The following GTF3C2 variants were observed in gnomAD, a reference collection of about 807,000 sequenced individuals.
GTF3C2 encodes general transcription factor IIIC subunit 2, also known as general transcription factor 3C polypeptide 2.
GTF3C2 carries 17 observed loss-of-function variants against 117.4 expected under a neutral mutation model. That is an observed-to-expected ratio of 0.14 (90% CI 0.10 to 0.22). GTF3C2 has a LOEUF of 0.22. Ranked by LOEUF, GTF3C2 falls within the 10% of genes least tolerant of loss-of-function variation. The pLI, the probability that GTF3C2 is intolerant of heterozygous loss-of-function variation, is 1.00. For synonymous variants in GTF3C2, 437 were observed against 427.0 expected, an observed-to-expected ratio of 1.02 and a Z score of -0.29; for missense variants, 888 against 1,143.6, an observed-to-expected ratio of 0.78 and a Z score of 3.22.
chr2:27,351,558 C>G (rs943875840), intron 1 of GTF3C2, among the ~76,000 whole-genome samples: 1 of 152,174 alleles, frequency 6.6e-6, no homozygotes, highest in East Asian at 1.9e-4. Context: ...ATAGGAGAGC[C>G]GCTTCTCTAG....
At chr2:27,350,450 G>A (rs1012472590) in intron 1 of GTF3C2, 2 of 984,996 alleles carry the variant, frequency 2.0e-6, no homozygotes, top group African/African-American at 3.5e-5. Context: ...ACAGTTGGTA[G>A]GAACAAGTGC....
chr2:27,334,233 G>C lies in GTF3C2; in HGVS notation c.1577-234C>G, dbSNP rs1033076802. Among the ~76,000 whole-genome samples the C allele has an allele frequency of 4.0e-5, 6 of 151,704 alleles. No homozygotes were observed. In the South Asian group the frequency reaches 1.2e-3, roughly 32 times the overall value. On this transcript the variant is annotated intron_variant, in intron 10 of 18. Coordinates refer to ENST00000264720, the Ensembl canonical transcript of GTF3C2. ...TTTTTTCCTTTAGACCTCCTCTGTG[G>C]ACACAGGCCTTCTCTTAAATCAGCA...
chr2:27,333,897 G>A, intron 11 of GTF3C2, 77 bp downstream of exon 11: 1 of 1,452,278 alleles, frequency 6.9e-7, no homozygotes, highest in Non-Finnish European at 9.7e-7. Context: ...GAAGTATAAG[G>A]AGACTCACTG....
intron 1 of GTF3C2, among the ~76,000 whole-genome samples, chr2:27,349,543 T>G (rs1430431615): frequency 6.6e-6 from 1 of 151,954 alleles, no homozygotes; most frequent in African/African-American, 2.4e-5. Flanking sequence ...TCAACTAAAA[T>G]GTACAGGGCA....
chr2:27,326,751 G>C, exon 19 of GTF3C2: 1 of 1,614,062 alleles, frequency 6.2e-7, no homozygotes, highest in South Asian at 1.1e-5. Flanking sequence ...TTGGAACATA[G>C]CATTGAAGTG....
chr2:27,345,237 T>C (rs1680876086), intron 1 of GTF3C2, among the ~76,000 whole-genome samples: 1 of 152,010 alleles, frequency 6.6e-6, no homozygotes, highest in African/African-American at 2.4e-5. Context: ...ACCACTGCAC[T>C]CCAGCCTGGG....
At chr2:27,344,146 T>A (rs1275539669) in intron 1 of GTF3C2, among the ~76,000 whole-genome samples, 2 of 151,662 alleles carry the variant, frequency 1.3e-5, no homozygotes, top group African/African-American at 4.9e-5. Context: ...TGCCTCAGCC[T>A]CCTGAGTAGC....
At chr2:27,327,975 T>C (rs1680145994) in intron 17 of GTF3C2, 62 bp downstream of exon 17, 3 of 1,419,418 alleles carry the variant, frequency 2.1e-6, no homozygotes, top group South Asian at 1.2e-5. Context: ...TTGCGTACTA[T>C]ACAAAGACTA....
chr2:27,334,144 G>A, intron 10 of GTF3C2, 145 bp from the exon 11 acceptor site: 1 of 686,314 alleles, frequency 1.5e-6, no homozygotes, highest in Non-Finnish European at 2.7e-6. Flanking sequence ...TCCTGCCTCA[G>A]CCTCCCAAAA....
At chr2:27,353,219 C>T (rs1463822653) in intron 1 of GTF3C2, among the ~76,000 whole-genome samples, 2 of 151,950 alleles carry the variant, frequency 1.3e-5, no homozygotes, top group Non-Finnish European at 2.9e-5. Flanking sequence ...ATGGTGAAAC[C>T]TCGTTTCTAC....
In GTF3C2 at chr2:27,333,586, C is replaced by A. The variant is rs150484118; in HGVS notation, c.1732+69G>T. 33 of 1,076,494 alleles carry A rather than the reference C, an allele frequency of 3.1e-5. No individual in the cohort carries two copies. The African/African-American group carries it at 4.8e-4, about 16-fold the overall frequency. The allele number at this position is 1,076,494 out of a possible 1,614,324, so 66.7% of individuals were successfully genotyped here. On this transcript the variant is annotated intron_variant, in intron 12 of 18. Transcript: ENST00000264720. ...CAGTATTGAACCACCAAAGAAAGAACCAAAAAACAAGCATATATAAAAAAT... is the reference window on the plus strand; with the variant it reads ...CAGTATTGAACCACCAAAGAAAGAAACAAAAAACAAGCATATATAAAAAAT...
chr2:27,351,343 G>T (rs1681130152), intron 1 of GTF3C2, among the ~76,000 whole-genome samples: 1 of 152,206 alleles, frequency 6.6e-6, no homozygotes, highest in Admixed American at 6.5e-5. Context: ...GAACCTGGAA[G>T]GTGGAGGCTG....
chr2:27,343,524 G>C (rs747794450), exon 2 of GTF3C2: 9 of 1,613,902 alleles, frequency 5.6e-6, no homozygotes, highest in South Asian at 4.4e-5. Context: ...GCCTCCCCCA[G>C]GGCAACATAG....
At chr2:27,346,864 T>C (rs1680935435) in intron 1 of GTF3C2, among the ~76,000 whole-genome samples, 1 of 151,874 alleles carries the variant, frequency 6.6e-6, no homozygotes, top group African/African-American at 2.4e-5. Context: ...CCAGATACGT[T>C]TTTAATTTTT....
intron 1 of GTF3C2, among the ~76,000 whole-genome samples, chr2:27,347,634 G>A (rs1229039086): frequency 6.6e-6 from 1 of 152,168 alleles, no homozygotes; most frequent in Non-Finnish European, 1.5e-5. Context: ...TCAGAAAACA[G>A]AAGGAAATTT....
chr2:27,336,079 G>A, intron 8 of GTF3C2, 51 bp from the exon 9 acceptor site: 1 of 1,411,522 alleles, frequency 7.1e-7, no homozygotes, highest in Non-Finnish European at 1.0e-6. Context: ...GGGACGCAGG[G>A]CTGCCAGAGG....
intron 4 of GTF3C2, among the ~76,000 whole-genome samples, chr2:27,338,591 C>A (rs538990354): frequency 6.6e-6 from 1 of 152,120 alleles, no homozygotes; most frequent in African/African-American, 2.4e-5. Flanking sequence ...AGTGCAGTGG[C>A]GCAATCTTGG....
chr2:27,344,539 A>G (rs1413846341), intron 1 of GTF3C2, among the ~76,000 whole-genome samples: 1 of 152,182 alleles, frequency 6.6e-6, no homozygotes, highest in African/African-American at 2.4e-5. Context: ...AAATTTGTCT[A>G]GCATGAATCT....
chr2:27,328,323 G>C (rs1346848969), intron 16 of GTF3C2, 134 bp from the exon 17 acceptor site: 2 of 1,033,308 alleles, frequency 1.9e-6, no homozygotes, highest in Non-Finnish European at 2.9e-6. Context: ...ATGCAGTACG[G>C]TAGGGAAGAT....
Sources: allele counts gnomAD v4.1 joint callset (sites outside exome capture counted in the v4.1 genomes callset), GRCh38; gene constraint gnomAD v4.1.1; transcripts MANE v1.5; gene names NCBI Gene and HGNC (gene_info 2026-07-23, HGNC 2026-07-21).